CAPN11: variants seen among roughly 807,000 people sequenced by gnomAD.
The protein encoded by CAPN11 is calpain 11.
CAPN11 carries 108 observed loss-of-function variants against 105.3 expected under a neutral mutation model. The observed-to-expected ratio is 1.03, with a 90% CI of 0.88 to 1.20. CAPN11 has a LOEUF of 1.20. Among genes scored for constraint, CAPN11 ranks in the 50% most tolerant of loss-of-function variants. The pLI is 0.00. For missense variants in CAPN11, 883 were observed against 924.8 expected (o/e 0.95, Z 0.59); for synonymous variants, 329 against 344.5 (o/e 0.96, Z 0.50).
intron 13 of CAPN11, 48 bp from the exon 14 acceptor site, chr6:44,179,904 C>T (rs1210379713): frequency 1.4e-6 from 2 of 1,466,524 alleles, no homozygotes; most frequent in Admixed American, 3.4e-5. Context: ...GACCCTCCCT[C>T]CCTAACCTCC....
chr6:44,180,081 A>G lies in CAPN11; in HGVS notation c.1558A>G (p.Ile520Val), dbSNP rs201606013. 6.2e-7 allele frequency: 1 copy of G among 1,611,148 alleles called. No individual in the cohort carries two copies. Among genetic ancestry groups the G allele is most frequent in the East Asian group, 2.2e-5 (1 of 44,830 alleles). Reference sequence around the variant, plus strand: ...ACTCCGGCTGCCTCCGGGGGAATATATCATTATTCCCTCCACCTTTGAGCC... The same window carrying G: ...ACTCCGGCTGCCTCCGGGGGAATATGTCATTATTCCCTCCACCTTTGAGCC... Reference protein sequence around the residue: ...SQLRLPPGEYIIIPSTFEPHR... With the variant: ...SQLRLPPGEYVIIPSTFEPHR... The change falls in exon 14 of 23, where the codon ATC (isoleucine) becomes GTC (valine). Residue 520 changes from isoleucine (I) to valine (V), a missense_variant. By Grantham distance (29) the Ile-to-Val change is conservative. Coordinates refer to ENST00000398776, the MANE Select transcript of CAPN11 (RefSeq NM_007058.4).
intron 10 of CAPN11, 50 bp downstream of exon 10, chr6:44,176,705 C>T (rs766903088): frequency 2.6e-6 from 4 of 1,560,470 alleles, no homozygotes; most frequent in Non-Finnish European, 3.5e-6. Flanking sequence ...GGCCCTGGTC[C>T]TTCATCTCCC....
chr6:44,177,048 C>T (rs751926360), intron 11 of CAPN11, 50 bp downstream of exon 11: 22 of 1,576,150 alleles, frequency 1.4e-5, no homozygotes, highest in Non-Finnish European at 1.8e-5. Flanking sequence ...GAAGGATGGG[C>T]CACGGCTCAC....
chr6:44,161,816 G>C (rs1429463935), intron 1 of CAPN11: 1 of 456,216 alleles, frequency 2.2e-6, no homozygotes, highest in Admixed American at 2.3e-5. Context: ...AACACCCTCA[G>C]TCCTCGGAGC....
At position 44,182,310 on chromosome 6, in the gene CAPN11, C is replaced by CAACCACACCACACACACACAT. The variant is rs1554132540; in HGVS notation, c.1939-630_1939-629insACCACACCACACACACACATA. Among the ~76,000 whole-genome samples, 531 of 134,486 alleles carry CAACCACACCACACACACACAT rather than the reference C, an allele frequency of 3.9e-3. 53 individuals carry two copies. Among genetic ancestry groups the CAACCACACCACACACACACAT allele is most frequent in the African/African-American group, 0.014 (423 of 30,766 alleles). The allele number at this position is 134,486 out of a possible 152,430, so 88.2% of individuals were successfully genotyped here. On this transcript the variant is annotated intron_variant, in intron 19 of 22. Coordinates refer to ENST00000398776, the MANE Select transcript of CAPN11 (RefSeq NM_007058.4). ...CCACACACACACACACACACACACA[C>CAACCACACCACACACACACAT]ACTCACATACAGACACAACCACACC...
In CAPN11 at chr6:44,176,650, G is replaced by C; in HGVS notation, c.1071G>C (p.Glu357Asp). The change falls in exon 10 of 23, where the codon GAG becomes GAC. Residue 357 changes from glutamate (E) to aspartate (D), a missense_variant. By Grantham distance (45) the Glu-to-Asp change is conservative (BLOSUM62 2). Coordinates refer to ENST00000398776, the MANE Select transcript of CAPN11 (RefSeq NM_007058.4). Reference sequence around the variant, plus strand: ...TGCTGCACAAGACGGAGGACGGGGAGTTCTGGTCAGTGTGGCTTGGGGTGG... The same window carrying C: ...TGCTGCACAAGACGGAGGACGGGGACTTCTGGTCAGTGTGGCTTGGGGTGG... ...MQLLHKTEDG[E>D]FWMSYQDFLN... The C allele has an allele frequency of 6.2e-7, 1 of 1,600,172 alleles. No homozygotes were observed. The highest frequency in any genetic ancestry group is 8.5e-7 in the Non-Finnish European group (1 of 1,171,610).
At chr6:44,183,875 C>T in intron 22 of CAPN11, 31 bp from the exon 23 acceptor site, 1 of 1,563,908 alleles carries the variant, frequency 6.4e-7, no homozygotes, top group Non-Finnish European at 8.7e-7. Context: ...CCGTCTCTTC[C>T]CACCCTGGGA....
In CAPN11 at chr6:44,176,651, T is replaced by C; in HGVS notation, c.1072T>C (p.Phe358Leu). Residue 358 changes from phenylalanine (F) to leucine (L), a missense_variant, in exon 10 of 23, where the codon TTC (phenylalanine) becomes CTC (leucine). Physicochemically the swap from Phe to Leu is conservative, Grantham distance 22. Transcript: ENST00000398776. The part of the protein sequence containing the change: ...QLLHKTEDGE[F>L]WMSYQDFLNN... ...GCTGCACAAGACGGAGGACGGGGAG[T>C]TCTGGTCAGTGTGGCTTGGGGTGGG... The C allele has an allele frequency of 6.3e-7, 1 of 1,599,516 alleles. No individual in the cohort carries two copies. The highest frequency in any genetic ancestry group is 1.7e-5 in the Admixed American group (1 of 59,050).
intron 13 of CAPN11, 85 bp downstream of exon 13, chr6:44,179,715 T>G: frequency 7.0e-7 from 1 of 1,436,658 alleles, no homozygotes; most frequent in Non-Finnish European, 9.8e-7. Flanking sequence ...AAGGGTGGAA[T>G]TTGGCGAGAG....
Position 44,184,116 on chromosome 6 carries a change from C to T in CAPN11, c.*184C>T. The stretch of plus-strand genomic sequence containing the variant: ...CAGCAGTGGGACCTCCGTGCCCACT[C>T]CCCCAGCTCAGAGGCTTTCTCTTTT... On this transcript the variant is annotated 3_prime_UTR_variant, in exon 23 of 23. Coordinates refer to ENST00000398776, the MANE Select transcript of CAPN11 (RefSeq NM_007058.4). 1 of 621,004 alleles carries T rather than the reference C, an allele frequency of 1.6e-6. No individual in the cohort carries two copies. Among genetic ancestry groups the T allele is most frequent in the South Asian group, 2.0e-5 (1 of 50,482 alleles). The allele number at this position is 621,004 out of a possible 1,614,324, so 38.5% of individuals were successfully genotyped here. A position where few individuals can be genotyped will look rare whatever the true frequency, so the allele number is the denominator to read the frequency against.
chr6:44,173,517 T>G, intron 7 of CAPN11, 131 bp downstream of exon 7: 1 of 606,460 alleles, frequency 1.6e-6, no homozygotes, highest in East Asian at 2.8e-5. Flanking sequence ...CAGACTAGCC[T>G]TCCCTACCTC....
chr6:44,158,930 A>G, intron 1 of CAPN11, 66 bp downstream of exon 1: 1 of 1,402,164 alleles, frequency 7.1e-7, no homozygotes, highest in East Asian at 2.5e-5. Flanking sequence ...CCCCCAGGGG[A>G]GGAGCTGTGT....
rs765253047 is a variant in CAPN11, at chr6:44,177,312, G to C, written c.1308G>C (p.Glu436Asp). Residue 436 changes from glutamate to aspartate, a missense_variant, in exon 12 of 23, where the codon GAG (glutamate) becomes GAC (aspartate). Transcript: ENST00000398776. ...PEGDDPEDDA[E>D]GNVVVCTCLV... ...GGGATGACCCAGAGGATGACGCAGAGGGCAATGTTGTGGTCTGCACCTGCC... is the reference window on the plus strand; with the variant it reads ...GGGATGACCCAGAGGATGACGCAGACGGCAATGTTGTGGTCTGCACCTGCC... 8 of 1,613,678 alleles carry C rather than the reference G, an allele frequency of 5.0e-6. 1 individual carries two copies. In the South Asian group the frequency reaches 8.8e-5, roughly 18 times the overall value.
In CAPN11 at chr6:44,169,340, A is replaced by T; in HGVS notation, c.148A>T (p.Lys50Ter). The change falls in exon 3 of 23, where the codon AAG becomes TAG. Residue 50 changes from lysine to a stop codon, truncating the protein, a stop_gained. Coordinates refer to ENST00000398776, the MANE Select transcript of CAPN11 (RefSeq NM_007058.4). LOFTEE classifies it high-confidence loss of function. Reference protein sequence around the residue: ...AHINNSRLKAKGVGQHDNAQN... With the variant: ...AHINNSRLKA ...CATAAACAACAGCCGGCTCAAGGCC[A>T]AGGGCGTGGGCCAGCACGACAACGC... 1 of 1,613,994 alleles carries T rather than the reference A, an allele frequency of 6.2e-7. No homozygotes were observed. Among genetic ancestry groups the T allele is most frequent in the South Asian group, 1.1e-5 (1 of 91,082 alleles).
At position 44,177,289 on chromosome 6, in the gene CAPN11, G is replaced by C. The variant is rs1239102162; in HGVS notation, c.1285G>C (p.Asp429His). ...GTTTAAGATCTCTCTTCCTGAGGGG[G>C]ATGACCCAGAGGATGACGCAGAGGG... is the stretch of plus-strand genomic sequence containing the variant. Reference protein sequence around the residue: ...PQFKISLPEGDDPEDDAEGNV... With the variant: ...PQFKISLPEGHDPEDDAEGNV... The change falls in exon 12 of 23, where the codon GAT (aspartate) becomes CAT (histidine). Residue 429 changes from aspartate to histidine, a missense_variant. Asp to His is a moderately conservative substitution (Grantham distance 81). Coordinates refer to ENST00000398776, the MANE Select transcript of CAPN11 (RefSeq NM_007058.4). 1 of 1,612,236 alleles carries C rather than the reference G, an allele frequency of 6.2e-7. No individual in the cohort carries two copies. Among genetic ancestry groups the C allele is most frequent in the South Asian group, 1.1e-5 (1 of 90,738 alleles).
At chr6:44,162,015 C>G (rs563292941) in intron 1 of CAPN11, 9 of 413,286 alleles carry the variant, frequency 2.2e-5, no homozygotes, top group Non-Finnish European at 4.5e-5. Flanking sequence ...CCAGCAGCAT[C>G]CCTGGCCTCT....
chr6:44,167,289 G>A (rs548259086), intron 2 of CAPN11, among the ~76,000 whole-genome samples: 4 of 150,888 alleles, frequency 2.7e-5, no homozygotes, highest in South Asian at 2.1e-4. Flanking sequence ...ACCTGAGTTC[G>A]GGAGTTCGAG....
chr6:44,182,311 A>ACT (rs1435580026), intron 19 of CAPN11, among the ~76,000 whole-genome samples: 1 of 136,128 alleles, frequency 7.3e-6, no homozygotes, highest in East Asian at 2.1e-4. Flanking sequence ...ACACACACAC[A>ACT]CTCACATACA....
Position 44,184,066 on chromosome 6 carries a change from C to T in CAPN11, c.*134C>T, listed in dbSNP as rs913439076. ...GAAATGGGCTCCAGGTGGCAGTGCC[C>T]GGGTCCCAGGTGCCGTGTTTACTGC... On this transcript the variant is annotated 3_prime_UTR_variant, in exon 23 of 23. Transcript: ENST00000398776. 29 of 965,002 alleles carry T rather than the reference C, an allele frequency of 3.0e-5. No homozygotes were observed. The highest frequency in any genetic ancestry group is 1.8e-4 in the Admixed American group (8 of 45,588). The allele number at this position is 965,002 out of a possible 1,614,324, so 59.8% of individuals were successfully genotyped here.
Sources: gnomAD v4.1 joint callset for allele counts (sites outside exome capture counted in the v4.1 genomes callset) on GRCh38, gnomAD v4.1.1 for gene constraint, MANE v1.5 for transcripts, NCBI Gene and HGNC (gene_info 2026-07-23, HGNC 2026-07-21) for gene names.